The following DOCK10 variants were observed in gnomAD, a reference collection of about 807,000 sequenced individuals.
DOCK10 encodes the protein dedicator of cytokinesis 10.
A neutral mutation model predicts 280.1 loss-of-function variants in DOCK10; 145 were observed. The observed-to-expected ratio is 0.52, with a 90% CI of 0.45 to 0.59. DOCK10 has a LOEUF of 0.59. Among genes scored for constraint, DOCK10 ranks in the 20% least tolerant of loss-of-function variants. The pLI is 0.00. For synonymous variants in DOCK10, 915 were observed against 942.2 expected (o/e 0.97, Z 0.53); for missense variants, 2,368 against 2,651.7 (o/e 0.89, Z 2.35).
intron 11 of DOCK10, among the ~76,000 whole-genome samples, chr2:224,870,328 T>G (rs1281226862): frequency 6.6e-6 from 1 of 152,230 alleles, no homozygotes; most frequent in Non-Finnish European, 1.5e-5. Flanking sequence ...GTCTTGGGTA[T>G]GTCTTTCTTA....
intron 1 of DOCK10, among the ~76,000 whole-genome samples, chr2:225,022,240 C>A (rs957240761): frequency 6.6e-6 from 1 of 152,154 alleles, no homozygotes; most frequent in Non-Finnish European, 1.5e-5. Context: ...TGTCTTAGAC[C>A]TACCATTTAA....
At chr2:224,974,330 A>G (rs1357095847) in intron 1 of DOCK10, among the ~76,000 whole-genome samples, 2 of 152,234 alleles carry the variant, frequency 1.3e-5, no homozygotes, top group Non-Finnish European at 2.9e-5. Flanking sequence ...TAGATTTGGA[A>G]AAATGAATTT....
At chr2:224,885,902 T>G (rs1559657088) in intron 6 of DOCK10, 97 bp from the exon 7 acceptor site, 1 of 1,516,142 alleles carries the variant, frequency 6.6e-7, no homozygotes, top group East Asian at 2.3e-5. Context: ...AGTGCTATAT[T>G]TCTAGGACAT....
chr2:224,905,210 G>A (rs2125876576), intron 3 of DOCK10, among the ~76,000 whole-genome samples: 2 of 149,808 alleles, frequency 1.3e-5, no homozygotes, highest in African/African-American at 4.9e-5. Context: ...ACAATTTAAA[G>A]ATCAATAAAC....
chr2:224,957,904 G>A (rs1305978564), intron 1 of DOCK10, among the ~76,000 whole-genome samples: 1 of 152,164 alleles, frequency 6.6e-6, no homozygotes, highest in Non-Finnish European at 1.5e-5. Context: ...GAGGCAAACT[G>A]GTCACCTAGG....
intron 55 of DOCK10, among the ~76,000 whole-genome samples, chr2:224,767,683 T>C (rs1690148565): frequency 6.6e-6 from 1 of 152,082 alleles, no homozygotes; most frequent in Admixed American, 6.5e-5. Flanking sequence ...GCCCTTAACA[T>C]AAAAAGAGCC....
At chr2:224,767,329 A>G (rs1052032670) in intron 55 of DOCK10, among the ~76,000 whole-genome samples, 1 of 152,032 alleles carries the variant, frequency 6.6e-6, no homozygotes, top group Non-Finnish European at 1.5e-5. Flanking sequence ...ACAGCCAGCT[A>G]ATTTTTGTAT....
intron 1 of DOCK10, among the ~76,000 whole-genome samples, chr2:225,037,461 A>G (rs969085178): frequency 6.6e-6 from 1 of 152,154 alleles, no homozygotes; most frequent in South Asian, 2.1e-4. Flanking sequence ...AACGTCAGCT[A>G]CTCATATCCA....
intron 2 of DOCK10, among the ~76,000 whole-genome samples, chr2:224,930,280 A>G (rs1372921602): frequency 2.0e-5 from 3 of 152,066 alleles, no homozygotes; most frequent in African/African-American, 7.2e-5. Flanking sequence ...TCAGTCTGAA[A>G]AATGAAAATG....
intron 1 of DOCK10, among the ~76,000 whole-genome samples, chr2:225,021,251 A>G (rs553420790): frequency 6.6e-6 from 1 of 152,214 alleles, no homozygotes; most frequent in Non-Finnish European, 1.5e-5. Context: ...AACCCAGTAT[A>G]TTGGGTGTCC....
In DOCK10 at chr2:224,933,726, T is replaced by A. The variant is rs925874008; in HGVS notation, c.124-2058A>T. Among the ~76,000 whole-genome samples, 4 of 152,230 alleles carry A rather than the reference T, an allele frequency of 2.6e-5. No individual in the cohort carries two copies. The East Asian group carries it at 5.8e-4, about 22-fold the overall frequency. ...CAGCAATAGTCCATGATGTGGCTAA[T>A]AACACTTTTATCTTCTCCCTCCTCA... On this transcript the variant is annotated intron_variant, in intron 1 of 55. Coordinates refer to ENST00000258390, the MANE Select transcript of DOCK10 (RefSeq NM_014689.3).
intron 28 of DOCK10, among the ~76,000 whole-genome samples, chr2:224,821,270 A>C (rs1694486322): frequency 6.6e-6 from 1 of 152,252 alleles, no homozygotes; most frequent in Non-Finnish European, 1.5e-5. Flanking sequence ...AGTTACAATA[A>C]TATTTTAATT....
At position 224,879,246 on chromosome 2, in the gene DOCK10, C is replaced by T. The variant is rs73079856; in HGVS notation, c.748-3025G>A. ...TTCCTTCCGAAGGCAAATTCCTAGA[C>T]GCCCCACTCTCCCCAGGAGGACTGG... is the stretch of plus-strand genomic sequence containing the variant. On this transcript the variant is annotated intron_variant, in intron 7 of 55. Transcript: ENST00000258390. Among the ~76,000 whole-genome samples the T allele has an allele frequency of 4.0e-3, 604 of 152,252 alleles. 2 individuals carry two copies. The highest frequency in any genetic ancestry group is 0.01 in the African/African-American group (424 of 41,540).
rs1440531393 is a variant in DOCK10 at position 224,862,740 on chromosome 2, G to A, written c.1609C>T (p.Gln537Ter). 4 of 1,593,634 alleles carry A rather than the reference G, an allele frequency of 2.5e-6. No homozygotes were observed. ...TGTCTGTTGGATTTTAGTATCTTTT[G>A]TGCATACTAAAGAAAAAATAAATAC... is the stretch of plus-strand genomic sequence containing the variant. ...IKNPDSNKYA[Q>*]KILKSNRQFC... Residue 537 changes from glutamine (Q) to a stop codon, truncating the protein, a stop_gained, in exon 14 of 56, where the codon CAA becomes TAA. Transcript: ENST00000258390. LOFTEE classifies it high-confidence loss of function.
chr2:224,864,701 A>C, intron 12 of DOCK10, 26 bp from the exon 13 acceptor site: 1 of 1,596,230 alleles, frequency 6.3e-7, no homozygotes, highest in South Asian at 1.1e-5. Context: ...GCAGCTAATA[A>C]GCATGGAAGA....
At chr2:224,818,498 C>A (rs532622789) in intron 29 of DOCK10, among the ~76,000 whole-genome samples, 146 of 151,460 alleles carry the variant, frequency 9.6e-4, no homozygotes, top group Middle Eastern at 3.4e-3. Context: ...CCCGGGTTCA[C>A]CCCATTCTCC....
rs1705032869 is a variant in DOCK10, at chr2:224,970,659, C to A, written c.124-38991G>T. 6.6e-6 allele frequency among the ~76,000 whole-genome samples: 1 copy of A among 152,178 alleles called. No homozygotes were observed. The highest frequency in any genetic ancestry group is 1.9e-4 in the East Asian group (1 of 5,200). ...ACCCATGAGCCCCCACAGTTGCATT[C>A]TGTATCTCCACAGCATCTGTTCTGC... On this transcript the variant is annotated intron_variant, in intron 1 of 55. Transcript: ENST00000258390. This position sits in a 1 kb window ranked among gnomAD's most constrained non-coding sequence, Gnocchi z 4.6.
intron 2 of DOCK10, among the ~76,000 whole-genome samples, chr2:224,929,090 C>T (rs906179803): frequency 1.3e-5 from 2 of 152,144 alleles, no homozygotes; most frequent in South Asian, 4.1e-4. Context: ...GAGGCTTGTC[C>T]CTGGTCACCT....
At chr2:224,962,181 C>A (rs1433305192) in intron 1 of DOCK10, among the ~76,000 whole-genome samples, 1 of 152,144 alleles carries the variant, frequency 6.6e-6, no homozygotes, top group African/African-American at 2.4e-5. Context: ...AGCAGTTTGA[C>A]CAAGATACTT....
Sources: gnomAD v4.1 joint callset for allele counts (sites outside exome capture counted in the v4.1 genomes callset) on GRCh38, gnomAD v4.1.1 for gene constraint, Gnocchi (gnomAD v3.1) non-coding constraint, MANE v1.5 for transcripts, NCBI Gene and HGNC (gene_info 2026-07-23, HGNC 2026-07-21) for gene names.